The following HPSE variants were observed in gnomAD, a reference collection of about 807,000 sequenced individuals.
HPSE encodes endo-glucoronidase.
HPSE carries 48 observed loss-of-function variants against 65.1 expected under a neutral mutation model. The ratio of observed to expected loss-of-function variants is 0.74; its 90% CI spans 0.58 to 0.94. The LOEUF (loss-of-function observed/expected upper bound fraction) is 0.94, where lower values mean the gene tolerates loss of function less well. HPSE is among the 40% of genes least tolerant of loss of function. HPSE has a pLI of 0.00. For missense variants in HPSE, 644 were observed against 637.5 expected (o/e 1.01, Z -0.11); for synonymous variants, 243 against 260.0 (o/e 0.93, Z 0.63).
At chr4:83,296,745 G>A (rs1207832099) in intron 11 of HPSE, among the ~76,000 whole-genome samples, 1 of 151,362 alleles carries the variant, frequency 6.6e-6, no homozygotes, top group Non-Finnish European at 1.5e-5. Flanking sequence ...ATATCATTTA[G>A]GTAATACATG....
chr4:83,325,930 C>T (rs1245353338), intron 1 of HPSE, among the ~76,000 whole-genome samples: 1 of 152,006 alleles, frequency 6.6e-6, no homozygotes, highest in East Asian at 1.9e-4. Flanking sequence ...GTGGTTGGTG[C>T]CTAGAGATGG....
rs200961522 is a variant in HPSE, at chr4:83,309,401, C to T, written c.984+1G>A. ...ATTAAAAAGTTTAAAAAGACTATTA[C>T]CTGGAAAACTTTTTGCACAGATGAA... is the stretch of plus-strand genomic sequence containing the variant. On this transcript the variant is annotated splice_donor_variant, in intron 7 of 11. Coordinates refer to ENST00000311412, the MANE Select transcript of HPSE (RefSeq NM_001098540.3). LOFTEE classifies it high-confidence loss of function. The T allele has an allele frequency of 3.1e-5, 46 of 1,503,834 alleles. No homozygotes were observed. Among genetic ancestry groups the T allele is most frequent in the Middle Eastern group, 1.7e-4 (1 of 5,872 alleles). The allele number at this position is 1,503,834 out of a possible 1,614,324, so 93.2% of individuals were successfully genotyped here.
rs1257868677 is a variant in HPSE, at chr4:83,293,509, G to A, written c.*1835C>T. ...GTGCTGGAGCCTGGCCTGTTTGAAC[G>A]TCTAGTTATGTGGGAATATACATTT... On this transcript the variant is annotated 3_prime_UTR_variant, in exon 12 of 12. Coordinates refer to ENST00000311412, the MANE Select transcript of HPSE (RefSeq NM_001098540.3). The A allele has an allele frequency of 6.6e-6, 1 of 152,208 alleles. No homozygotes were observed. Among genetic ancestry groups the A allele is most frequent in the East Asian group, 1.9e-4 (1 of 5,206 alleles). 9.4% of individuals were successfully genotyped at this position (152,208 alleles called of 1,614,324 possible).
upstream of HPSE, chr4:83,334,959 A>G: frequency 2.0e-6 from 2 of 992,398 alleles, no homozygotes; most frequent in Non-Finnish European, 2.8e-6. Context: ...CATCCCTCCC[A>G]CTGCTCCCAA....
rs1439001540 is a variant in HPSE, at chr4:83,293,165, G to T, written c.*2179C>A. On this transcript the variant is annotated 3_prime_UTR_variant, in exon 12 of 12. Coordinates refer to ENST00000311412, the MANE Select transcript of HPSE (RefSeq NM_001098540.3). ...GACCAACACCCTCTCCATTCCAAAG[G>T]GTTACTCAGAGACAATTATAGGAAC... 6.6e-6 allele frequency: 1 copy of T among 152,154 alleles called. No individual in the cohort carries two copies. The highest frequency in any genetic ancestry group is 1.5e-5 in the Non-Finnish European group (1 of 68,026). 9.4% of individuals were successfully genotyped at this position (152,154 alleles called of 1,614,324 possible).
chr4:83,320,922 T>G (rs1198705990), intron 2 of HPSE, among the ~76,000 whole-genome samples: 1 of 148,282 alleles, frequency 6.7e-6, no homozygotes, highest in East Asian at 1.9e-4. Flanking sequence ...GAAACTAGGT[T>G]GGGTGTGGTG....
chr4:83,306,498 C>G (rs908312035), intron 8 of HPSE, among the ~76,000 whole-genome samples, 181 bp from the exon 9 acceptor site: 2 of 152,190 alleles, frequency 1.3e-5, no homozygotes, highest in African/African-American at 4.8e-5. Flanking sequence ...TCTCTGCAAC[C>G]TCAAACTCCT....
chr4:83,302,082 G>T, intron 10 of HPSE, 68 bp downstream of exon 10: 2 of 984,600 alleles, frequency 2.0e-6, no homozygotes, highest in Non-Finnish European at 3.2e-6. Flanking sequence ...GCAACAGGGT[G>T]TTTGAGTAAA....
chr4:83,308,763 TGGCTGGGGAG>T, intron 8 of HPSE, 72 bp downstream of exon 8: 5 of 1,061,416 alleles, frequency 4.7e-6, no homozygotes, highest in Admixed American at 4.0e-5. Context: ...ATCTGCTTTT[TGGCTGGGGAG>T]CTATTTCAGC....
intron 8 of HPSE, among the ~76,000 whole-genome samples, chr4:83,308,360 C>T (rs1302400840): frequency 2.0e-5 from 3 of 152,020 alleles, no homozygotes; most frequent in Non-Finnish European, 2.9e-5. Flanking sequence ...GAGGTGAGAT[C>T]GTGCCACTGC....
intron 3 of HPSE, among the ~76,000 whole-genome samples, chr4:83,314,083 T>C (rs1052901703): frequency 6.6e-6 from 1 of 151,424 alleles, no homozygotes; most frequent in African/African-American, 2.4e-5. Flanking sequence ...CAAAACCACA[T>C]CTCTACAAAA....
intron 11 of HPSE, among the ~76,000 whole-genome samples, chr4:83,296,573 G>C (rs976920226): frequency 6.6e-6 from 1 of 151,932 alleles, no homozygotes; most frequent in Admixed American, 6.6e-5. Context: ...TACTCAGGAG[G>C]CTGAGACATG....
intron 1 of HPSE, among the ~76,000 whole-genome samples, chr4:83,330,401 A>G (rs1737318041): frequency 6.6e-6 from 1 of 152,248 alleles, no homozygotes; most frequent in African/African-American, 2.4e-5. Flanking sequence ...GAGCTCAATC[A>G]GAGGGACAGC....
intron 5 of HPSE, 77 bp from the exon 6 acceptor site, chr4:83,310,155 C>A: frequency 1.0e-6 from 1 of 957,656 alleles, no homozygotes. Flanking sequence ...GTTTTATTCC[C>A]TAGAAATGGG....
At chr4:83,330,406 G>C (rs542530310) in intron 1 of HPSE, among the ~76,000 whole-genome samples, 1 of 152,326 alleles carries the variant, frequency 6.6e-6, no homozygotes, top group East Asian at 1.9e-4. Flanking sequence ...CAATCAGAGG[G>C]ACAGCACTTC....
chr4:83,295,344 T>C lies in HPSE; in HGVS notation c.1632A>G (p.Ter544TrpextTer2). The change falls in exon 12 of 12, where the codon TGA becomes TGG. Residue 544 changes from the stop codon to tryptophan, a stop_lost. Coordinates refer to ENST00000311412, the MANE Select transcript of HPSE (RefSeq NM_001098540.3). ...IRNAKVAACI[*>W] ...GTGTCAGGACTAGTATATTTTATTT[T>C]CAGATGCAAGCAGCAACTTTGGCAT... The C allele has an allele frequency of 1.2e-6, 2 of 1,603,648 alleles. No homozygotes were observed. The highest frequency in any genetic ancestry group is 1.7e-6 in the Non-Finnish European group (2 of 1,173,934).
chr4:83,317,528 G>A (rs1246343635), intron 3 of HPSE, among the ~76,000 whole-genome samples: 2 of 152,144 alleles, frequency 1.3e-5, no homozygotes, highest in African/African-American at 4.8e-5. Flanking sequence ...TGCCAACAGG[G>A]TGGCTGGACT....
At chr4:83,328,538 A>C (rs1737237379) in intron 1 of HPSE, among the ~76,000 whole-genome samples, 1 of 152,218 alleles carries the variant, frequency 6.6e-6, no homozygotes, top group Non-Finnish European at 1.5e-5. Context: ...GGGTAACCTC[A>C]TTCAACCCAT....
At chr4:83,300,303 C>G (rs1735890636) in intron 11 of HPSE, among the ~76,000 whole-genome samples, 1 of 152,152 alleles carries the variant, frequency 6.6e-6, no homozygotes, top group African/African-American at 2.4e-5. Flanking sequence ...ATATTTTATA[C>G]CAACCCACAT....
Sources: gnomAD v4.1 joint callset for allele counts (sites outside exome capture counted in the v4.1 genomes callset) on GRCh38, gnomAD v4.1.1 for gene constraint, MANE v1.5 for transcripts, NCBI Gene and HGNC (gene_info 2026-07-23, HGNC 2026-07-21) for gene names.